DLG2: variants seen among roughly 807,000 people sequenced by gnomAD.
The protein encoded by DLG2 is discs large MAGUK scaffold protein 2, also known as disks large homolog 2.
A neutral mutation model predicts 132.5 loss-of-function variants in DLG2; 45 were observed. The observed-to-expected ratio is 0.34, with a 90% confidence interval of 0.27 to 0.44. DLG2 has a LOEUF of 0.44. DLG2 is among the 20% of genes least tolerant of loss of function. The pLI, the probability that DLG2 is intolerant of heterozygous loss-of-function variation, is 1.00. For missense variants in DLG2, 1,045 were observed against 1,196.9 expected (o/e 0.87, Z 1.87); for synonymous variants, 424 against 419.6 (o/e 1.01, Z -0.13).
Position 84,111,803 on chromosome 11 carries a change from G to A in DLG2, c.625-12756C>T, listed in dbSNP as rs1312499395. Among the ~76,000 whole-genome samples, 4 of 152,076 alleles carry A rather than the reference G, an allele frequency of 2.6e-5. No homozygotes were observed. The East Asian group carries it at 7.7e-4, about 29-fold the overall frequency. Reference sequence around the variant, plus strand: ...TATACATGGGGAACAGCATGAGTACGGCACAATATTTCCCATTTTCCATTG... The same window carrying A: ...TATACATGGGGAACAGCATGAGTACAGCACAATATTTCCCATTTTCCATTG... On this transcript the variant is annotated intron_variant, in intron 9 of 27. Coordinates refer to ENST00000376104, the MANE Select transcript of DLG2 (RefSeq NM_001142699.3).
intron 21 of DLG2, among the ~76,000 whole-genome samples, chr11:83,490,905 T>C (rs967741048): frequency 2.0e-5 from 3 of 151,992 alleles, no homozygotes; most frequent in Non-Finnish European, 4.4e-5. Context: ...TCATATTTTC[T>C]ACAACTTTCT....
At chr11:84,627,411 T>A (rs990485069) in intron 6 of DLG2, among the ~76,000 whole-genome samples, 2 of 152,364 alleles carry the variant, frequency 1.3e-5, no homozygotes, top group South Asian at 4.1e-4. Flanking sequence ...TTACAGAATT[T>A]ACACATATAC....
intron 5 of DLG2, among the ~76,000 whole-genome samples, chr11:85,125,286 G>GT (rs1161944274): frequency 6.6e-6 from 1 of 152,068 alleles, no homozygotes; most frequent in Non-Finnish European, 1.5e-5. Context: ...GCATTGTGTT[G>GT]TTTTTACTCA....
chr11:83,571,251 TTTAAC>T (rs1015753645), intron 19 of DLG2, among the ~76,000 whole-genome samples: 7 of 152,124 alleles, frequency 4.6e-5, no homozygotes, highest in Non-Finnish European at 4.4e-5. Flanking sequence ...ATTCAAGTAC[TTTAAC>T]TCAAGCAATT....
intron 6 of DLG2, among the ~76,000 whole-genome samples, chr11:84,809,616 C>T (rs2076351461): frequency 1.3e-5 from 2 of 151,858 alleles, no homozygotes; most frequent in African/African-American, 4.8e-5. Context: ...AGTTGTGTTT[C>T]TACATATTAT....
Position 84,961,569 on chromosome 11 carries a change from T to C in DLG2, c.357+150092A>G, listed in dbSNP as rs201685636. Among the ~76,000 whole-genome samples the C allele has an allele frequency of 2.7e-5, 4 of 146,382 alleles. No individual in the cohort carries two copies. In the East Asian group the frequency reaches 8.2e-4, roughly 30 times the overall value. On this transcript the variant is annotated intron_variant, in intron 6 of 27. Transcript: ENST00000376104. ...GTGTGTGTGTGTGTGTGTGTGTGTA[T>C]GTGTATGCATGCACTAAGATGCTTT...
intron 4 of DLG2, among the ~76,000 whole-genome samples, chr11:85,204,347 A>C (rs2152558341): frequency 6.6e-6 from 1 of 152,298 alleles, no homozygotes; most frequent in South Asian, 2.1e-4. Context: ...TGCAGGATAT[A>C]GCATCAACAT....
intron 7 of DLG2, among the ~76,000 whole-genome samples, chr11:84,506,964 C>A (rs2099243183): frequency 1.3e-5 from 2 of 152,118 alleles, no homozygotes; most frequent in South Asian, 4.2e-4. Context: ...ATTCTACTTC[C>A]CTTGCTCTAA....
chr11:83,974,477 A>G (rs1384759), intron 12 of DLG2, among the ~76,000 whole-genome samples: 143,007 of 152,042 alleles, frequency 0.94, 67,339 homozygotes, highest in East Asian at 1. Context: ...GTTAAGTATT[A>G]CTCTAAGAAG....
chr11:84,161,615 T>C (rs982807019), intron 9 of DLG2, among the ~76,000 whole-genome samples: 3 of 152,144 alleles, frequency 2.0e-5, no homozygotes, highest in African/African-American at 7.2e-5. Flanking sequence ...CTCATACCAA[T>C]GTTAGCTTTT....
chr11:83,748,298 C>G (rs1395354540), intron 18 of DLG2, among the ~76,000 whole-genome samples: 1 of 152,178 alleles, frequency 6.6e-6, no homozygotes, highest in Admixed American at 6.5e-5. Context: ...TTCCAGATCT[C>G]TAACTGTGGA....
At chr11:83,837,796 C>T (rs997174098) in intron 16 of DLG2, among the ~76,000 whole-genome samples, 10 of 149,136 alleles carry the variant, frequency 6.7e-5, no homozygotes, top group Non-Finnish European at 1.2e-4. Flanking sequence ...CCTTCCTTTC[C>T]TAGCCAGTTT....
intron 7 of DLG2, among the ~76,000 whole-genome samples, chr11:84,282,655 A>G (rs1016424949): frequency 6.6e-6 from 1 of 151,996 alleles, no homozygotes; most frequent in African/African-American, 2.4e-5. Flanking sequence ...GGGTTGGGGG[A>G]GAAAAAAAAG....
chr11:85,570,007 G>A (rs765352983), intron 3 of DLG2, among the ~76,000 whole-genome samples: 15 of 152,162 alleles, frequency 9.9e-5, no homozygotes, highest in Non-Finnish European at 1.6e-4. Context: ...AGAGGGGGAC[G>A]TACGAAGTGG....
chr11:83,574,280 T>A (rs1487066182), intron 19 of DLG2, among the ~76,000 whole-genome samples: 1 of 152,138 alleles, frequency 6.6e-6, no homozygotes, highest in Non-Finnish European at 1.5e-5. Context: ...TTAAAGATGA[T>A]GTAGACATAC....
At chr11:85,426,899 T>TA (rs2090791866) in intron 3 of DLG2, among the ~76,000 whole-genome samples, 1 of 151,940 alleles carries the variant, frequency 6.6e-6, no homozygotes, top group African/African-American at 2.4e-5. Context: ...GACGAATGGC[T>TA]AACTAGAATA....
chr11:85,407,166 A>T (rs2088831772), intron 3 of DLG2, among the ~76,000 whole-genome samples: 2 of 151,876 alleles, frequency 1.3e-5, no homozygotes, highest in Non-Finnish European at 2.9e-5. Flanking sequence ...GGACCAAATC[A>T]TGTATGATGT....
intron 16 of DLG2, among the ~76,000 whole-genome samples, chr11:83,842,192 C>T (rs971711121): frequency 1.3e-5 from 2 of 152,188 alleles, no homozygotes; most frequent in Non-Finnish European, 2.9e-5. Flanking sequence ...TCTTACTCAG[C>T]TGGAGTCTCA....
intron 5 of DLG2, among the ~76,000 whole-genome samples, chr11:85,136,314 T>C (rs2076143022): frequency 6.6e-6 from 1 of 152,210 alleles, no homozygotes; most frequent in Non-Finnish European, 1.5e-5. Context: ...TAGATATAAG[T>C]ACATAACATT....
Sources: gnomAD v4.1 joint callset for allele counts (sites outside exome capture counted in the v4.1 genomes callset) on GRCh38, gnomAD v4.1.1 for gene constraint, MANE v1.5 for transcripts, NCBI Gene and HGNC (gene_info 2026-07-23, HGNC 2026-07-21) for gene names.